The following CADPS variants were observed in gnomAD, a reference collection of about 807,000 sequenced individuals.
CADPS encodes the protein calcium dependent secretion activator, also known as calcium-dependent secretion activator 1.
CADPS carries 57 observed loss-of-function variants against 167.3 expected under a neutral mutation model. The ratio of observed to expected loss-of-function variants is 0.34; its 90% confidence interval spans 0.28 to 0.42. CADPS has a LOEUF of 0.42. CADPS is among the 20% of genes least tolerant of loss of function. CADPS has a pLI of 1.00. For missense variants in CADPS, 1,414 were observed against 1,738.1 expected (o/e 0.81, Z 3.32); for synonymous variants, 676 against 635.3 (o/e 1.06, Z -0.96).
rs138207204 is a variant in CADPS at position 62,628,970 on chromosome 3, T to C, written c.1325+16752A>G. On this transcript the variant is annotated intron_variant, in intron 6 of 29. Transcript: ENST00000383710. ...CATTCTGTAAAACATCTATTTTTCT[T>C]CACTGTCAATCCAGCCTAAGCCACC... Among the ~76,000 whole-genome samples, 240 of 152,216 alleles carry C rather than the reference T, an allele frequency of 1.6e-3. 1 individual carries two copies. The East Asian group carries it at 0.025, about 16-fold the overall frequency.
chr3:62,658,320 G>C (rs2072253322), intron 4 of CADPS, among the ~76,000 whole-genome samples: 2 of 152,104 alleles, frequency 1.3e-5, no homozygotes, highest in Non-Finnish European at 2.9e-5. Context: ...ATTTAATAAA[G>C]GACTGATTAG....
intron 12 of CADPS, 42 bp from the exon 13 acceptor site, chr3:62,533,100 T>G (rs1425547421): frequency 6.4e-7 from 1 of 1,572,078 alleles, no homozygotes. Context: ...TAAATACAGG[T>G]TGTTTTCTGG....
chr3:62,645,583 T>C, intron 6 of CADPS, 139 bp downstream of exon 6: 1 of 863,252 alleles, frequency 1.2e-6, no homozygotes, highest in Middle Eastern at 2.6e-4. Flanking sequence ...TGTAGGCAAG[T>C]CATCTTGTTT....
At chr3:62,864,529 T>G (rs1038029537) in intron 1 of CADPS, among the ~76,000 whole-genome samples, 1 of 152,190 alleles carries the variant, frequency 6.6e-6, no homozygotes, top group African/African-American at 2.4e-5. Flanking sequence ...CCCTAGTTTC[T>G]GGTAATTTGC....
At chr3:62,779,937 G>A (rs974319662) in intron 1 of CADPS, among the ~76,000 whole-genome samples, 6 of 152,194 alleles carry the variant, frequency 3.9e-5, no homozygotes, top group African/African-American at 1.4e-4. Flanking sequence ...AAATGAATTA[G>A]GTTGTCATTT....
chr3:62,547,594 C>G (rs914427495), intron 11 of CADPS, among the ~76,000 whole-genome samples: 6 of 110,470 alleles, frequency 5.4e-5, no homozygotes, highest in African/African-American at 7.6e-5. Flanking sequence ...ACGCCCCCCC[C>G]CCCCCGCAAA....
At position 62,546,127 on chromosome 3, in the gene CADPS, A is replaced by ATT. The variant is rs75526981; in HGVS notation, c.1966+3774_1966+3775dup. Among the ~76,000 whole-genome samples, 508 of 143,630 alleles carry ATT rather than the reference A, an allele frequency of 3.5e-3. 4 individuals are homozygous for ATT. The highest frequency in any genetic ancestry group is 0.012 in the African/African-American group (457 of 39,462). The allele number at this position is 143,630 out of a possible 152,430, so 94.2% of individuals were successfully genotyped here. On this transcript the variant is annotated intron_variant, in intron 11 of 29. Coordinates refer to ENST00000383710, the MANE Select transcript of CADPS (RefSeq NM_003716.4). ...AAACCTTTTTAAAATGCAATACTTG[A>ATT]TTTTTTTTTTTTTTTACATTTTTTG... is the stretch of plus-strand genomic sequence containing the variant.
intron 23 of CADPS, among the ~76,000 whole-genome samples, chr3:62,476,095 C>T (rs976560593): frequency 1.3e-5 from 2 of 152,150 alleles, no homozygotes; most frequent in African/African-American, 4.8e-5. Context: ...CACAAGTAAC[C>T]TGATATAGAC....
At chr3:62,681,102 C>A (rs1353655078) in intron 3 of CADPS, among the ~76,000 whole-genome samples, 1 of 152,020 alleles carries the variant, frequency 6.6e-6, no homozygotes, top group Admixed American at 6.6e-5. Context: ...TGGCTGGGAA[C>A]ACATCTGTGC....
intron 2 of CADPS, among the ~76,000 whole-genome samples, chr3:62,761,933 C>A (rs185459636): frequency 3.3e-4 from 51 of 152,270 alleles, no homozygotes; most frequent in African/African-American, 1.2e-3. Flanking sequence ...TTGATCCGCT[C>A]TGACAATCAG....
At chr3:62,492,155 G>C in intron 20 of CADPS, 135 bp downstream of exon 20, 2 of 731,908 alleles carry the variant, frequency 2.7e-6, no homozygotes, top group South Asian at 4.0e-5. Context: ...GTTTCTTTTT[G>C]GGGGGTGGGG....
At chr3:62,641,441 T>C (rs1373490059) in intron 6 of CADPS, among the ~76,000 whole-genome samples, 1 of 152,172 alleles carries the variant, frequency 6.6e-6, no homozygotes, top group Non-Finnish European at 1.5e-5. Flanking sequence ...TGCCACCCTT[T>C]GAAATATATC....
At chr3:62,627,181 G>C (rs531901570) in intron 6 of CADPS, among the ~76,000 whole-genome samples, 92 of 151,302 alleles carry the variant, frequency 6.1e-4, no homozygotes, top group Admixed American at 3.0e-3. Flanking sequence ...TAACAGAAGA[G>C]CAAACATTAA....
chr3:62,449,642 T>A (rs989780768), intron 26 of CADPS, among the ~76,000 whole-genome samples: 7 of 152,188 alleles, frequency 4.6e-5, no homozygotes, highest in Admixed American at 6.6e-5. Flanking sequence ...TGTATCTAGA[T>A]CAAATAACCA....
At chr3:62,681,184 A>G (rs1287370354) in intron 3 of CADPS, among the ~76,000 whole-genome samples, 1 of 151,114 alleles carries the variant, frequency 6.6e-6, no homozygotes, top group Non-Finnish European at 1.5e-5. Context: ...CTCCTCCCCT[A>G]CTCTTCCCTA....
In CADPS at chr3:62,875,343, G is replaced by A. The variant is rs780050806; in HGVS notation, c.-314C>T. The A allele has an allele frequency of 2.9e-4, 53 of 181,692 alleles. No homozygotes were observed. Among genetic ancestry groups the A allele is most frequent in the Non-Finnish European group, 3.3e-4 (29 of 87,070 alleles). The allele number at this position is 181,692 out of a possible 1,614,324, so 11.3% of individuals were successfully genotyped here. Reference sequence around the variant, plus strand: ...GATGCCATCTGCGGCTGCTGAAGGAGGCGCCTCCAGAAAAGATGCCGAGTG... The same window carrying A: ...GATGCCATCTGCGGCTGCTGAAGGAAGCGCCTCCAGAAAAGATGCCGAGTG... On this transcript the variant is annotated 5_prime_UTR_variant, in exon 1 of 30. Transcript: ENST00000383710.
chr3:62,466,165 C>T (rs190429532), intron 25 of CADPS, among the ~76,000 whole-genome samples, 174 bp downstream of exon 25: 5 of 152,270 alleles, frequency 3.3e-5, no homozygotes, highest in Admixed American at 6.5e-5. Context: ...TATCTTCACA[C>T]GGCTCGAGAT....
Position 62,453,614 on chromosome 3 carries a change from G to A in CADPS, c.3637-7817C>T, listed in dbSNP as rs79780260. ...TGACTGCTTGGGTGAGACAGAATGT[G>A]TGAGTGGGCGGATGTACTGGGACTG... On this transcript the variant is annotated intron_variant, in intron 26 of 29. Coordinates refer to ENST00000383710, the MANE Select transcript of CADPS (RefSeq NM_003716.4). 3.8e-3 allele frequency among the ~76,000 whole-genome samples: 581 copies of A among 152,358 alleles called. 5 individuals are homozygous for A. The highest frequency in any genetic ancestry group is 0.013 in the African/African-American group (527 of 41,582).
At chr3:62,554,148 G>C (rs541982851) in intron 10 of CADPS, among the ~76,000 whole-genome samples, 2 of 152,162 alleles carry the variant, frequency 1.3e-5, no homozygotes, top group Non-Finnish European at 2.9e-5. Context: ...TCTTTTATTT[G>C]AAGGCTTAAT....
Sources: gnomAD v4.1 joint callset for allele counts (sites outside exome capture counted in the v4.1 genomes callset) on GRCh38, gnomAD v4.1.1 for gene constraint, MANE v1.5 for transcripts, NCBI Gene and HGNC (gene_info 2026-07-23, HGNC 2026-07-21) for gene names.